Variants in CADM3 observed in about 807,000 individuals in gnomAD.
CADM3 encodes cell adhesion molecule 3.
Under a neutral mutation model 44.9 loss-of-function variants are expected in CADM3, and 11 were observed. The observed-to-expected ratio is 0.25, with a 90% confidence interval of 0.15 to 0.41. CADM3 has a LOEUF of 0.41. Ranked by LOEUF, CADM3 falls within the 10% of genes least tolerant of loss-of-function variation. The pLI is 1.00. For missense variants in CADM3, 426 were observed against 512.0 expected, an observed-to-expected ratio of 0.83 and a Z score of 1.62; for synonymous variants, 207 against 205.2, an observed-to-expected ratio of 1.01 and a Z score of -0.08.
chr1:159,174,540 T>C (rs1246288777), intron 1 of CADM3, among the ~76,000 whole-genome samples: 1 of 152,198 alleles, frequency 6.6e-6, no homozygotes, highest in African/African-American at 2.4e-5. Flanking sequence ...CTATTCCCAT[T>C]TAAAATAAGG....
At chr1:159,196,165 C>G in intron 5 of CADM3, 199 bp from the exon 6 acceptor site, 1 of 553,666 alleles carries the variant, frequency 1.8e-6, no homozygotes, top group Non-Finnish European at 3.3e-6. Context: ...TCCTATCACA[C>G]AAGGTTGCAA....
intron 1 of CADM3, among the ~76,000 whole-genome samples, chr1:159,190,338 A>C (rs1305364536): frequency 1.3e-5 from 2 of 152,188 alleles, no homozygotes; most frequent in Admixed American, 1.3e-4. Flanking sequence ...TCTCAAAATC[A>C]TAGTTTTAAT....
chr1:159,174,500 T>G (rs985128092), intron 1 of CADM3, among the ~76,000 whole-genome samples: 17 of 152,228 alleles, frequency 1.1e-4, no homozygotes. Flanking sequence ...TGGTGATGTT[T>G]GAATTGTCAA....
intron 7 of CADM3, 99 bp downstream of exon 7, chr1:159,197,159 G>A (rs547141122): frequency 1.3e-4 from 178 of 1,319,852 alleles, no homozygotes; most frequent in Non-Finnish European, 1.8e-4. Context: ...AAACTGTGAC[G>A]GGGAGTGGAG....
Position 159,196,302 on chromosome 1 carries a change from A to C in CADM3, c.692-62A>C, listed in dbSNP as rs919592562. The C allele has an allele frequency of 9.1e-6, 12 of 1,323,224 alleles. 1 individual carries two copies. Among genetic ancestry groups the C allele is most frequent in the Non-Finnish European group, 1.3e-5 (12 of 919,372 alleles). 82.0% of individuals were successfully genotyped at this position (1,323,224 alleles called of 1,614,324 possible). On this transcript the variant is annotated intron_variant, in intron 5 of 8. Transcript: ENST00000368125. ...AGGTAGAAGCTGTAGTGTGCAACTA[A>C]GTGAGGGAATCTCCTAAGCCGTGTG...
intron 7 of CADM3, chr1:159,197,774 A>G (rs185114750): frequency 6.6e-6 from 1 of 152,276 alleles, no homozygotes; most frequent in Admixed American, 6.5e-5. Context: ...AATAGGGGAA[A>G]TGCATTGTCG....
Position 159,201,756 on chromosome 1 carries a change from C to T in CADM3, c.*834C>T. On this transcript the variant is annotated 3_prime_UTR_variant, in exon 9 of 9. Transcript: ENST00000368125. ...AGCAGAGTGTGGCTGCCCCTCCTTG[C>T]TCCAGCAGCAGTGGGAGAGGCACTG... The T allele has an allele frequency of 6.6e-6, 1 of 152,596 alleles. No homozygotes were observed. Among genetic ancestry groups the T allele is most frequent in the East Asian group, 1.9e-4 (1 of 5,188 alleles). The allele number at this position is 152,596 out of a possible 1,614,324, so 9.5% of individuals were successfully genotyped here.
intron 1 of CADM3, among the ~76,000 whole-genome samples, chr1:159,175,998 C>T (rs1649003186): frequency 6.6e-6 from 1 of 152,188 alleles, no homozygotes; most frequent in African/African-American, 2.4e-5. Flanking sequence ...CCTTAAATCA[C>T]TTGGTAGGAA....
In CADM3 at chr1:159,199,890, A is replaced by C. The variant is rs771955092; in HGVS notation, c.1078+14A>C. 4 of 1,612,950 alleles carry C rather than the reference A, an allele frequency of 2.5e-6. No individual in the cohort carries two copies. The Admixed American group carries it at 5.0e-5, about 20-fold the overall frequency. ...TCCGGCACAAAGGTCAGAGGCACAA[A>C]GAGAGCATCAGCAGAACTTGGGAGG... is the stretch of plus-strand genomic sequence containing the variant. On this transcript the variant is annotated intron_variant, in intron 8 of 8. Transcript: ENST00000368125.
At chr1:159,178,786 T>C (rs891883854) in intron 1 of CADM3, among the ~76,000 whole-genome samples, 8 of 152,170 alleles carry the variant, frequency 5.3e-5, no homozygotes, top group Non-Finnish European at 8.8e-5. Context: ...CCGTCAGTCT[T>C]AGATTAGCCA....
chr1:159,197,087 C>T, intron 7 of CADM3, 27 bp downstream of exon 7: 1 of 1,605,662 alleles, frequency 6.2e-7, no homozygotes, highest in Non-Finnish European at 8.5e-7. Flanking sequence ...TCTCTTCCTC[C>T]AGAATCTCCT....
chr1:159,172,756 G>A (rs1003376917), intron 1 of CADM3, among the ~76,000 whole-genome samples: 1 of 152,090 alleles, frequency 6.6e-6, no homozygotes, highest in African/African-American at 2.4e-5. Context: ...ATGAAGGAAG[G>A]GAGTCGGGGG....
At chr1:159,200,298 C>T (rs1384634401) in intron 8 of CADM3, among the ~76,000 whole-genome samples, 2 of 152,136 alleles carry the variant, frequency 1.3e-5, no homozygotes, top group African/African-American at 4.8e-5. Flanking sequence ...CCCTTTTCTA[C>T]CTTCTCTCTT....
chr1:159,175,438 G>A (rs1648981329), intron 1 of CADM3, among the ~76,000 whole-genome samples: 1 of 152,216 alleles, frequency 6.6e-6, no homozygotes, highest in Non-Finnish European at 1.5e-5. Context: ...GGATAGCACT[G>A]TTAGTTTTAA....
intron 1 of CADM3, among the ~76,000 whole-genome samples, chr1:159,180,549 G>A (rs116121789): frequency 2.0e-5 from 3 of 151,634 alleles, no homozygotes; most frequent in East Asian, 1.9e-4. Context: ...AGGCTAATGC[G>A]AACAATGTAC....
chr1:159,176,636 A>G (rs1401082379), intron 1 of CADM3, among the ~76,000 whole-genome samples: 1 of 152,200 alleles, frequency 6.6e-6, no homozygotes, highest in Non-Finnish European at 1.5e-5. Flanking sequence ...CAGGGCTCCA[A>G]TAACTACCCA....
At chr1:159,198,508 T>C (rs1344045675) in intron 7 of CADM3, among the ~76,000 whole-genome samples, 3 of 152,062 alleles carry the variant, frequency 2.0e-5, no homozygotes, top group African/African-American at 7.2e-5. Flanking sequence ...AAGCAGGGCA[T>C]AAAAAACCAG....
Position 159,171,682 on chromosome 1 carries a change from A to G in CADM3, c.-84A>G. On this transcript the variant is annotated 5_prime_UTR_variant, in exon 1 of 9. Transcript: ENST00000368125. ...GCTCGGGGGCGCCCTTTCGGTCAAC[A>G]TCGTAGTCCACCCCCTCCCCATCCC... The G allele has an allele frequency of 1.9e-6, 2 of 1,058,624 alleles. No individual in the cohort carries two copies. Among genetic ancestry groups the G allele is most frequent in the Non-Finnish European group, 2.4e-6 (2 of 830,718 alleles). 65.6% of individuals were successfully genotyped at this position (1,058,624 alleles called of 1,614,324 possible).
chr1:159,189,843 G>A (rs1286832605), intron 1 of CADM3: 1 of 1,605,252 alleles, frequency 6.2e-7, no homozygotes, highest in Admixed American at 1.7e-5. Flanking sequence ...TCCACAGTCT[G>A]GAGCAGCCCT....
Sources: allele counts gnomAD v4.1 joint callset (sites outside exome capture counted in the v4.1 genomes callset), GRCh38; gene constraint gnomAD v4.1.1; transcripts MANE v1.5; gene names NCBI Gene and HGNC (gene_info 2026-07-23, HGNC 2026-07-21).